Variants in CNTNAP5 observed in about 807,000 individuals in gnomAD.
The protein encoded by CNTNAP5 is contactin-associated protein-like 5.
A neutral mutation model predicts 150.2 loss-of-function variants in CNTNAP5; 72 were observed. The observed-to-expected ratio is 0.48, with a 90% CI of 0.40 to 0.58. The LOEUF is 0.58. Among genes scored for constraint, CNTNAP5 ranks in the 20% least tolerant of loss-of-function variants. The pLI is 0.00. For missense variants in CNTNAP5, 1,636 were observed against 1,626.2 expected (o/e 1.01, Z -0.10); for synonymous variants, 672 against 619.8 (o/e 1.08, Z -1.25).
intron 19 of CNTNAP5, among the ~76,000 whole-genome samples, chr2:124,826,038 G>GT (rs943616303): frequency 1.3e-5 from 2 of 151,866 alleles, no homozygotes; most frequent in Non-Finnish European, 2.9e-5. Context: ...AGTATGCTCT[G>GT]TTTTTTATAT....
At chr2:124,265,896 T>G (rs1687593907) in intron 3 of CNTNAP5, among the ~76,000 whole-genome samples, 1 of 151,974 alleles carries the variant, frequency 6.6e-6, no homozygotes, top group Non-Finnish European at 1.5e-5. Context: ...TCCAAGCGGA[T>G]AATTCAGTAG....
intron 13 of CNTNAP5, among the ~76,000 whole-genome samples, chr2:124,679,248 C>T (rs1191868418): frequency 6.6e-6 from 1 of 151,856 alleles, no homozygotes; most frequent in Non-Finnish European, 1.5e-5. Flanking sequence ...CAAGAGCTAG[C>T]CTTGGCTGCT....
intron 3 of CNTNAP5, among the ~76,000 whole-genome samples, chr2:124,355,156 T>C (rs1295112295): frequency 1.3e-5 from 2 of 151,944 alleles, no homozygotes; most frequent in African/African-American, 4.8e-5. Context: ...AAATTAAATA[T>C]AGATATTTAA....
chr2:124,702,560 G>GT lies in CNTNAP5; in HGVS notation c.2078-44666dup, dbSNP rs1206757840. 4.0e-5 allele frequency among the ~76,000 whole-genome samples: 6 copies of GT among 151,498 alleles called. No individual in the cohort carries two copies. In the East Asian group the frequency reaches 1.2e-3, roughly 30 times the overall value. Reference sequence around the variant, plus strand: ...CTATTGCCTTATTTTATGTCCCTGAGTTTAATAGTGCCAATTCCATGGCTG... The same window carrying GT: ...CTATTGCCTTATTTTATGTCCCTGAGTTTTAATAGTGCCAATTCCATGGCTG... On this transcript the variant is annotated intron_variant, in intron 13 of 23. Transcript: ENST00000682447.
intron 6 of CNTNAP5, among the ~76,000 whole-genome samples, chr2:124,468,706 A>G (rs532117210): frequency 2.6e-5 from 4 of 152,280 alleles, no homozygotes; most frequent in African/African-American, 9.6e-5. Flanking sequence ...AGATGTAGTC[A>G]CTTGGACTCT....
At chr2:124,730,491 A>G (rs1022748988) in intron 13 of CNTNAP5, among the ~76,000 whole-genome samples, 6 of 152,092 alleles carry the variant, frequency 3.9e-5, no homozygotes, top group Non-Finnish European at 8.8e-5. Context: ...AACCTCTCAT[A>G]AATTCAATTC....
intron 3 of CNTNAP5, among the ~76,000 whole-genome samples, chr2:124,414,029 G>C (rs1051325516): frequency 6.6e-6 from 1 of 151,610 alleles, no homozygotes; most frequent in Non-Finnish European, 1.5e-5. Flanking sequence ...ATGTCAAAGT[G>C]CCATATTTTG....
chr2:124,678,251 C>T (rs1195025190), intron 13 of CNTNAP5, among the ~76,000 whole-genome samples: 1 of 151,828 alleles, frequency 6.6e-6, no homozygotes, highest in Non-Finnish European at 1.5e-5. Context: ...CTGATTGTGC[C>T]TGAGTATGTC....
chr2:124,188,672 T>A (rs1348440460), intron 1 of CNTNAP5, among the ~76,000 whole-genome samples: 1 of 122,920 alleles, frequency 8.1e-6, no homozygotes, highest in Non-Finnish European at 1.6e-5. Flanking sequence ...TGAGCCGAGA[T>A]CACGCCACTG....
chr2:124,511,518 A>G (rs1480606120), intron 8 of CNTNAP5, among the ~76,000 whole-genome samples: 1 of 152,222 alleles, frequency 6.6e-6, no homozygotes, highest in African/African-American at 2.4e-5. Flanking sequence ...GATGTAGGAC[A>G]TGAGTAAGTC....
At chr2:124,741,286 G>T (rs1187374255) in intron 13 of CNTNAP5, among the ~76,000 whole-genome samples, 1 of 152,092 alleles carries the variant, frequency 6.6e-6, no homozygotes, top group Non-Finnish European at 1.5e-5. Flanking sequence ...TTCTGATATT[G>T]TCTGGAATTT....
intron 3 of CNTNAP5, among the ~76,000 whole-genome samples, chr2:124,352,568 T>A (rs559852292): frequency 6.6e-6 from 1 of 152,324 alleles, no homozygotes; most frequent in African/African-American, 2.4e-5. Flanking sequence ...TTCTGGAAGT[T>A]ACATGACATT....
intron 19 of CNTNAP5, among the ~76,000 whole-genome samples, chr2:124,808,009 A>G (rs1038058258): frequency 5.9e-5 from 9 of 152,154 alleles, no homozygotes; most frequent in Non-Finnish European, 1.3e-4. Context: ...GTCAAGAAAA[A>G]AATACCATGC....
At chr2:124,358,409 T>G (rs529308758) in intron 3 of CNTNAP5, among the ~76,000 whole-genome samples, 68 of 152,344 alleles carry the variant, frequency 4.5e-4, no homozygotes, top group Non-Finnish European at 5.4e-4. Context: ...CTTCCAGTTT[T>G]TGCCCATTCA....
At chr2:124,263,608 C>T (rs1037926994) in intron 3 of CNTNAP5, among the ~76,000 whole-genome samples, 20 of 152,134 alleles carry the variant, frequency 1.3e-4, no homozygotes, top group African/African-American at 1.7e-4. Context: ...TGCCTGTTCA[C>T]GCTGATGGTA....
chr2:124,268,457 A>G (rs1285522525), intron 3 of CNTNAP5, among the ~76,000 whole-genome samples: 1 of 152,206 alleles, frequency 6.6e-6, no homozygotes, highest in Non-Finnish European at 1.5e-5. Flanking sequence ...CCAACCCTAC[A>G]GTGATGTAGT....
chr2:124,840,918 T>C (rs929054810), intron 19 of CNTNAP5, among the ~76,000 whole-genome samples: 2 of 152,146 alleles, frequency 1.3e-5, no homozygotes, highest in African/African-American at 2.4e-5. Context: ...CAGACCATTC[T>C]GACCAAGTTA....
intron 3 of CNTNAP5, among the ~76,000 whole-genome samples, chr2:124,403,106 T>C (rs1691471629): frequency 6.6e-6 from 1 of 152,248 alleles, no homozygotes; most frequent in African/African-American, 2.4e-5. Flanking sequence ...TGCTAGTTCC[T>C]CCTTAACTTT....
rs1678767910 is a variant in CNTNAP5 at position 124,916,314 on chromosome 2, TGAA to T, written c.*2028_*2030del. 2.0e-5 allele frequency among the ~76,000 whole-genome samples: 3 copies of T among 152,126 alleles called. No individual in the cohort carries two copies. Among genetic ancestry groups the T allele is most frequent in the South Asian group, 4.1e-4 (2 of 4,836 alleles). On this transcript the variant is annotated 3_prime_UTR_variant, in exon 24 of 24. Transcript: ENST00000682447. ...TAAGATGAATGATTCTTTAGTAAGA[TGAA>T]GGATCTTTAAACACTGTTTTCCCCT...
Sources: allele counts gnomAD v4.1 joint callset (sites outside exome capture counted in the v4.1 genomes callset), GRCh38; gene constraint gnomAD v4.1.1; transcripts MANE v1.5; gene names NCBI Gene and HGNC (gene_info 2026-07-23, HGNC 2026-07-21).